Variants in THOP1 observed in about 807,000 individuals in gnomAD.
THOP1 encodes the protein thimet oligopeptidase 1.
A neutral mutation model predicts 71.8 loss-of-function variants in THOP1; 49 were observed. The observed-to-expected ratio is 0.68, with a 90% CI of 0.54 to 0.87. The LOEUF (loss-of-function observed/expected upper bound fraction) is 0.87, where lower values mean the gene tolerates loss of function less well. THOP1 is among the 40% of genes least tolerant of loss of function. The probability of loss-of-function intolerance (pLI) is 0.00; values close to 1 mark genes in which losing one functional copy is unlikely to be tolerated. For synonymous variants in THOP1, 426 were observed against 421.5 expected (o/e 1.01, Z -0.13); for missense variants, 843 against 975.6 (o/e 0.86, Z 1.81).
Position 2,804,692 on chromosome 19 carries a change from G to T in THOP1, c.590-324G>T, listed in dbSNP as rs572552316. On this transcript the variant is annotated intron_variant, in intron 5 of 12. Transcript: ENST00000307741. This position sits in a 1 kb window ranked among gnomAD's most constrained non-coding sequence, Gnocchi z 4.7. ...CGCCCTGGAAGCCCACGATGTCCGG[G>T]GGTTGGGCTGGATTTAGCTTTAACC... is the stretch of plus-strand genomic sequence containing the variant. The T allele has an allele frequency of 8.8e-5, 21 of 237,310 alleles. No homozygotes were observed. In the South Asian group the frequency reaches 1.8e-3, roughly 20 times the overall value. The allele number at this position is 237,310 out of a possible 1,614,324, so 14.7% of individuals were successfully genotyped here.
chr19:2,794,366 C>G (rs1382595587), intron 2 of THOP1, among the ~76,000 whole-genome samples: 1 of 152,180 alleles, frequency 6.6e-6, no homozygotes, highest in African/African-American at 2.4e-5. Context: ...ACCTAAAGCA[C>G]AGATGTGCTC....
intron 2 of THOP1, 90 bp from the exon 3 acceptor site, chr19:2,794,674 A>G (rs1179153048): frequency 6.8e-7 from 1 of 1,480,250 alleles, no homozygotes; most frequent in Non-Finnish European, 9.2e-7. Context: ...GGGATTCAGC[A>G]GACAGGCCTG....
rs750695172 is a variant in THOP1 at position 2,785,632 on chromosome 19, G to A, written c.-31G>A. The A allele has an allele frequency of 1.1e-5, 17 of 1,506,948 alleles. No individual in the cohort carries two copies. The highest frequency in any genetic ancestry group is 1.5e-5 in the Non-Finnish European group (17 of 1,128,398). The allele number at this position is 1,506,948 out of a possible 1,614,324, so 93.3% of individuals were successfully genotyped here. On this transcript the variant is annotated 5_prime_UTR_variant, in exon 1 of 13. Transcript: ENST00000307741. ...CTGGACGCGTAGCAGGTGGAAGGAG[G>A]GAGGGAGCCGCAGGCGCAGACCCAC...
rs1252019916 is a variant in THOP1, at chr19:2,806,909, G to A, written c.751-8G>A. The A allele has an allele frequency of 7.4e-6, 12 of 1,612,874 alleles. No homozygotes were observed. Among genetic ancestry groups the A allele is most frequent in the Non-Finnish European group, 9.3e-6 (11 of 1,179,774 alleles). The stretch of plus-strand genomic sequence containing the variant: ...CCCTGGGTGACAGTGTGGTGGTGTC[G>A]GTTGCAGGAGAACTGCGCTATCCTC... On this transcript the variant is annotated splice_polypyrimidine_tract_variant and splice_region_variant and intron_variant, in intron 6 of 12. Coordinates refer to ENST00000307741, the MANE Select transcript of THOP1 (RefSeq NM_003249.5).
intron 4 of THOP1, among the ~76,000 whole-genome samples, chr19:2,798,379 T>C (rs1384098685): frequency 1.3e-5 from 2 of 152,114 alleles, no homozygotes; most frequent in Non-Finnish European, 2.9e-5. Flanking sequence ...TGTGTGGCCA[T>C]GTGCATGGTA....
Position 2,794,916 on chromosome 19 carries a change from A to G in THOP1, c.378+4A>G, listed in dbSNP as rs1915977079. On this transcript the variant is annotated splice_donor_region_variant and intron_variant, in intron 3 of 12. Coordinates refer to ENST00000307741, the MANE Select transcript of THOP1 (RefSeq NM_003249.5). ...CCAGAGGATCGTGTGGCTCCAGGTG[A>G]GGGGGCCCTGCGGGGAGTGCAAATA... 6.2e-7 allele frequency: 1 copy of G among 1,608,412 alleles called. No individual in the cohort carries two copies. The highest frequency in any genetic ancestry group is 8.5e-7 in the Non-Finnish European group (1 of 1,175,372).
Position 2,790,330 on chromosome 19 carries a change from G to T in THOP1, c.17-91G>T, listed in dbSNP as rs535363524. 76 of 1,245,924 alleles carry T rather than the reference G, an allele frequency of 6.1e-5. No individual in the cohort carries two copies. In the African/African-American group the frequency reaches 1.0e-3, roughly 17 times the overall value. The allele number at this position is 1,245,924 out of a possible 1,614,324, so 77.2% of individuals were successfully genotyped here. On this transcript the variant is annotated intron_variant, in intron 1 of 12. Transcript: ENST00000307741. ...CCTCACTCTTCTGGATGAGAAGCGGGTGATCCCTTCCTTTCCCTCTGCCCT... is the reference window on the plus strand; with the variant it reads ...CCTCACTCTTCTGGATGAGAAGCGGTTGATCCCTTCCTTTCCCTCTGCCCT...
intron 2 of THOP1, 25 bp downstream of exon 2, chr19:2,790,658 G>A (rs1421968240): frequency 1.1e-5 from 16 of 1,501,340 alleles, no homozygotes; most frequent in Non-Finnish European, 8.0e-6. Flanking sequence ...GGGTCTGTGC[G>A]TGGGCCGCAG....
chr19:2,785,577 C>G lies in THOP1; in HGVS notation c.-86C>G, dbSNP rs1915720728. 2 of 1,436,260 alleles carry G rather than the reference C, an allele frequency of 1.4e-6. No individual in the cohort carries two copies. Among genetic ancestry groups the G allele is most frequent in the South Asian group, 1.4e-5 (1 of 73,392 alleles). The allele number at this position is 1,436,260 out of a possible 1,614,324, so 89.0% of individuals were successfully genotyped here. A position where few individuals can be genotyped will look rare whatever the true frequency, so the allele number is the denominator to read the frequency against. ...GTGGCGGCGGTGGCGGCGGTTGGGCCGAGGCAGGCGGCCTCAGTGGCCGAG... is the reference window on the plus strand; with the variant it reads ...GTGGCGGCGGTGGCGGCGGTTGGGCGGAGGCAGGCGGCCTCAGTGGCCGAG... On this transcript the variant is annotated 5_prime_UTR_variant, in exon 1 of 13. Coordinates refer to ENST00000307741, the MANE Select transcript of THOP1 (RefSeq NM_003249.5).
intron 1 of THOP1, among the ~76,000 whole-genome samples, chr19:2,788,236 T>G (rs539387417): frequency 2.0e-5 from 3 of 152,344 alleles, no homozygotes; most frequent in Admixed American, 1.3e-4. Flanking sequence ...GAGTTAATGT[T>G]TCTTGCCAGA....
In THOP1 at chr19:2,813,445, C is replaced by T. The variant is rs764759223; in HGVS notation, c.*169C>T. ...TGTCCCCACCCGGTCGTGGCCCACC[C>T]GGCTAGAGACGGCGTCCTCAAGGCA... On this transcript the variant is annotated 3_prime_UTR_variant, in exon 13 of 13. Transcript: ENST00000307741. 3.6e-5 allele frequency: 30 copies of T among 822,244 alleles called. No homozygotes were observed. Among genetic ancestry groups the T allele is most frequent in the South Asian group, 1.2e-4 (6 of 48,292 alleles). The allele number at this position is 822,244 out of a possible 1,614,324, so 50.9% of individuals were successfully genotyped here.
intron 9 of THOP1, 195 bp from the exon 10 acceptor site, chr19:2,810,109 C>A (rs1916417242): frequency 3.0e-6 from 2 of 663,844 alleles, no homozygotes; most frequent in African/African-American, 3.7e-5. Flanking sequence ...GTGTGTCCTG[C>A]TGCCACCGGC....
Position 2,807,988 on chromosome 19 carries a change from C to A in THOP1, c.1253+180C>A, listed in dbSNP as rs934144075. Reference sequence around the variant, plus strand: ...GCCGAAAATGCAGCTGTCCCCGTTTCCAGTCTCACTCAGCCACCCCGACAG... The same window carrying A: ...GCCGAAAATGCAGCTGTCCCCGTTTACAGTCTCACTCAGCCACCCCGACAG... On this transcript the variant is annotated intron_variant, in intron 8 of 12. Transcript: ENST00000307741. 1.6e-5 allele frequency: 13 copies of A among 832,314 alleles called. No homozygotes were observed. The African/African-American group carries it at 1.9e-4, about 12-fold the overall frequency. 51.6% of individuals were successfully genotyped at this position (832,314 alleles called of 1,614,324 possible). A position where few individuals can be genotyped will look rare whatever the true frequency, so the allele number is the denominator to read the frequency against.
rs558024903 is a variant in THOP1 at position 2,813,338 on chromosome 19, C to T, written c.*62C>T. 443 of 1,504,344 alleles carry T rather than the reference C, an allele frequency of 2.9e-4. 6 individuals carry two copies. In the South Asian group the frequency reaches 5.2e-3, roughly 17 times the overall value. 93.2% of individuals were successfully genotyped at this position (1,504,344 alleles called of 1,614,324 possible). ...CCCGCCGCCCTGGTGCCTTAGCCCC[C>T]GGCACAGGATGGGGCAGGCTCTGGC... On this transcript the variant is annotated 3_prime_UTR_variant, in exon 13 of 13. Coordinates refer to ENST00000307741, the MANE Select transcript of THOP1 (RefSeq NM_003249.5).
chr19:2,811,934 C>A, intron 12 of THOP1, 200 bp downstream of exon 12: 1 of 1,291,034 alleles, frequency 7.7e-7, no homozygotes, highest in Non-Finnish European at 1.0e-6. Flanking sequence ...ACACCTTTGG[C>A]CTGGGCCTGG....
intron 1 of THOP1, among the ~76,000 whole-genome samples, chr19:2,786,109 G>A (rs1439575718): frequency 6.7e-6 from 1 of 149,544 alleles, no homozygotes. Flanking sequence ...GGTGGTTCCT[G>A]GGGGGCTTTT....
rs541706920 is a variant in THOP1, at chr19:2,810,504, G to C, written c.1642+14G>C. The C allele has an allele frequency of 7.1e-6, 11 of 1,545,420 alleles. No homozygotes were observed. The South Asian group carries it at 1.1e-4, about 15-fold the overall frequency. On this transcript the variant is annotated intron_variant, in intron 10 of 12. Transcript: ENST00000307741. ...AGGCCAACACAGGTGCACCCGCCCC[G>C]TCCGGGGAAGGGTGCTAACCTCGGG...
chr19:2,800,272 G>A (rs959365304), intron 5 of THOP1, among the ~76,000 whole-genome samples: 4 of 152,174 alleles, frequency 2.6e-5, no homozygotes, highest in South Asian at 2.1e-4. Context: ...TGCAACCTCC[G>A]TCCCCCGGGT....
chr19:2,791,934 A>C (rs1599519684), intron 2 of THOP1, among the ~76,000 whole-genome samples: 2 of 149,964 alleles, frequency 1.3e-5, no homozygotes, highest in Non-Finnish European at 1.5e-5. Context: ...CGTGCCTGGC[A>C]CCCTCCCCCA....
Sources: gnomAD v4.1 joint callset for allele counts (sites outside exome capture counted in the v4.1 genomes callset) on GRCh38, gnomAD v4.1.1 for gene constraint, Gnocchi (gnomAD v3.1) non-coding constraint, MANE v1.5 for transcripts, NCBI Gene and HGNC (gene_info 2026-07-23, HGNC 2026-07-21) for gene names.